The following LARGE1 variants were observed in gnomAD, a reference collection of about 807,000 sequenced individuals.
The protein encoded by LARGE1 is LARGE xylosyl- and glucuronyltransferase 1, also known as xylosyl- and glucuronyltransferase LARGE1.
In LARGE1, 43 loss-of-function variants were observed where a neutral mutation model predicts 87.6. That is an observed-to-expected ratio of 0.49 (90% CI 0.38 to 0.63). The LOEUF (loss-of-function observed/expected upper bound fraction) is 0.63. Ranked by LOEUF, LARGE1 falls within the 30% of genes least tolerant of loss-of-function variation. The pLI is 0.00. For missense variants in LARGE1, 802 were observed against 1,000.2 expected, an observed-to-expected ratio of 0.80 and a Z score of 2.67; for synonymous variants, 434 against 394.6, an observed-to-expected ratio of 1.10 and a Z score of -1.18.
At chr22:33,093,167 C>G in the LARGE1 span, among the ~76,000 whole-genome samples, 1 of 152,304 alleles carries the variant, frequency 6.6e-6, no homozygotes, top group Middle Eastern at 3.4e-3. Flanking sequence ...AGAACTTTGA[C>G]TATTTCAGAA....
chr22:33,671,002 T>C (rs993185641), intron 2 of LARGE1, among the ~76,000 whole-genome samples: 16 of 152,158 alleles, frequency 1.1e-4, no homozygotes, highest in African/African-American at 3.9e-4. Flanking sequence ...GATCCTATGG[T>C]TGGAGATCAG....
intron 1 of LARGE1, among the ~76,000 whole-genome samples, chr22:33,766,965 T>TATATATAC (rs2084927291): frequency 8.6e-6 from 1 of 116,406 alleles, no homozygotes; most frequent in African/African-American, 3.5e-5. Context: ...TATATATATA[T>TATATATAC]ATACTTCCTG....
intron 5 of LARGE1, among the ~76,000 whole-genome samples, chr22:33,573,576 C>T (rs763635203): frequency 3.9e-5 from 6 of 152,070 alleles, no homozygotes; most frequent in Admixed American, 1.3e-4. Flanking sequence ...CTGAGGAGGG[C>T]GAGGGACCAG....
intron 12 of LARGE1, among the ~76,000 whole-genome samples, chr22:33,292,265 C>T (rs1293278691): frequency 6.6e-6 from 1 of 152,156 alleles, no homozygotes; most frequent in Admixed American, 6.6e-5. Context: ...TCTGTTATAG[C>T]ACCACAAAAC....
At chr22:33,602,445 T>C (rs959188893) in intron 5 of LARGE1, among the ~76,000 whole-genome samples, 2 of 152,190 alleles carry the variant, frequency 1.3e-5, no homozygotes, top group African/African-American at 4.8e-5. Flanking sequence ...GGTACGATCA[T>C]AGCTCACTGC....
intron 9 of LARGE1, among the ~76,000 whole-genome samples, chr22:33,370,637 T>C (rs2064772062): frequency 6.6e-6 from 1 of 152,082 alleles, no homozygotes; most frequent in African/African-American, 2.4e-5. Context: ...TCTTTGTGTA[T>C]GTATGTCTAT....
chr22:33,634,031 A>T (rs2080189843), intron 3 of LARGE1, among the ~76,000 whole-genome samples: 1 of 152,240 alleles, frequency 6.6e-6, no homozygotes, highest in South Asian at 2.1e-4. Context: ...AGATAAAAAC[A>T]GCTACCGATT....
At chr22:33,408,608 C>T (rs1250536145) in intron 7 of LARGE1, among the ~76,000 whole-genome samples, 2 of 152,082 alleles carry the variant, frequency 1.3e-5, no homozygotes, top group Non-Finnish European at 2.9e-5. Flanking sequence ...AAAATGAATG[C>T]TGTGGCTGTG....
At chr22:33,449,404 C>A (rs1280943897) in intron 6 of LARGE1, among the ~76,000 whole-genome samples, 1 of 152,152 alleles carries the variant, frequency 6.6e-6, no homozygotes, top group Non-Finnish European at 1.5e-5. Flanking sequence ...CAGAAGTCAA[C>A]TTTGTGGTAT....
chr22:33,381,806 G>A lies in LARGE1; in HGVS notation c.1131+113C>T. 4.4e-6 allele frequency: 6 copies of A among 1,357,786 alleles called. No individual in the cohort carries two copies. In the South Asian group the frequency reaches 4.7e-5, roughly 11 times the overall value. The allele number at this position is 1,357,786 out of a possible 1,614,324, so 84.1% of individuals were successfully genotyped here. On this transcript the variant is annotated intron_variant, in intron 9 of 14. Transcript: ENST00000397394. ...AAGCATACTCATTCTGCTCTCCTGTGCCCTTATCTCTCTCACCACATTGCA... is the reference window on the plus strand; with the variant it reads ...AAGCATACTCATTCTGCTCTCCTGTACCCTTATCTCTCTCACCACATTGCA...
chr22:33,852,546 A>G (rs2063620133), intron 1 of LARGE1, among the ~76,000 whole-genome samples: 1 of 152,028 alleles, frequency 6.6e-6, no homozygotes, highest in African/African-American at 2.4e-5. Flanking sequence ...GTCTGTTAGA[A>G]AGTGCTAAGT....
intron 7 of LARGE1, among the ~76,000 whole-genome samples, chr22:33,428,958 AAAAGG>A (rs1569155704): frequency 1.7e-5 from 1 of 57,778 alleles, no homozygotes. Context: ...AAAAAAAAAA[AAAAGG>A]AGAGAACTGA....
chr22:33,717,603 G>A (rs2267271), intron 2 of LARGE1, among the ~76,000 whole-genome samples: 28,361 of 152,082 alleles, frequency 0.19, 2,956 homozygotes, highest in East Asian at 0.35. Context: ...CAGTGGAATC[G>A]AGGGCTTGAA....
At chr22:33,668,081 C>T (rs1393315418) in intron 2 of LARGE1, among the ~76,000 whole-genome samples, 3 of 152,298 alleles carry the variant, frequency 2.0e-5, no homozygotes, top group South Asian at 4.1e-4. Flanking sequence ...TTCCAAAATA[C>T]ACAACTTATT....
chr22:33,831,749 TACACACACACACACACAC>T (rs5845118), intron 1 of LARGE1, among the ~76,000 whole-genome samples: 1 of 146,760 alleles, frequency 6.8e-6, no homozygotes, highest in Non-Finnish European at 1.5e-5. Context: ...CACATGCATG[TACACACACACACACACAC>T]ACACACACAC....
intron 1 of LARGE1, among the ~76,000 whole-genome samples, chr22:33,896,891 C>T (rs2065159551): frequency 6.6e-6 from 1 of 152,198 alleles, no homozygotes; most frequent in South Asian, 2.1e-4. Flanking sequence ...TCAGATGCAA[C>T]CCAGCACAGA....
At chr22:33,066,758 G>A in the LARGE1 span, among the ~76,000 whole-genome samples, 3 of 152,292 alleles carry the variant, frequency 2.0e-5, no homozygotes, top group Middle Eastern at 3.4e-3. Flanking sequence ...TCTAAGCAGA[G>A]GCAAGTAGCA....
At chr22:33,081,558 C>A in the LARGE1 span, among the ~76,000 whole-genome samples, 5 of 152,138 alleles carry the variant, frequency 3.3e-5, no homozygotes, top group Admixed American at 1.3e-4. Context: ...GAGGCCAAGT[C>A]ATAAAAGAAA....
the LARGE1 span, among the ~76,000 whole-genome samples, chr22:33,150,231 T>C: frequency 6.6e-6 from 1 of 152,196 alleles, no homozygotes; most frequent in East Asian, 1.9e-4. Flanking sequence ...CCTTAGTTCC[T>C]GTTTTCCCAC....
Sources: allele counts gnomAD v4.1 joint callset (sites outside exome capture counted in the v4.1 genomes callset), GRCh38; gene constraint gnomAD v4.1.1; transcripts MANE v1.5; gene names NCBI Gene and HGNC (gene_info 2026-07-23, HGNC 2026-07-21).